Variants in PCDHGA2 observed in about 807,000 individuals in gnomAD.
PCDHGA2 encodes protocadherin gamma-A2.
In PCDHGA2, 40 loss-of-function variants were observed where a neutral mutation model predicts 59.2. The observed-to-expected ratio is 0.68, with a 90% CI of 0.52 to 0.88. PCDHGA2 has a LOEUF of 0.88. Ranked by LOEUF, PCDHGA2 falls within the 40% of genes least tolerant of loss-of-function variation. The probability of loss-of-function intolerance (pLI) is 0.00; values close to 1 mark genes in which losing one functional copy is unlikely to be tolerated. For missense variants in PCDHGA2, 1,226 were observed against 1,204.0 expected, an observed-to-expected ratio of 1.02 and a Z score of -0.27; for synonymous variants, 560 against 526.0, an observed-to-expected ratio of 1.06 and a Z score of -0.89.
intron 1 of PCDHGA2, chr5:141,360,925 G>A: frequency 6.2e-7 from 1 of 1,614,018 alleles, no homozygotes; most frequent in Non-Finnish European, 8.5e-7. Context: ...TGTGCTTCAA[G>A]TGACAGCCAC....
intron 1 of PCDHGA2, chr5:141,410,724 C>G: frequency 7.2e-7 from 1 of 1,385,884 alleles, no homozygotes; most frequent in Non-Finnish European, 9.6e-7. Flanking sequence ...TGTTTAAAAT[C>G]CATAGCTTTT....
Position 141,486,494 on chromosome 5 carries a change from A to G in PCDHGA2, c.2425-8313A>G, listed in dbSNP as rs375607204. 9.3e-6 allele frequency: 15 copies of G among 1,614,058 alleles called. No individual in the cohort carries two copies. The highest frequency in any genetic ancestry group is 1.3e-5 in the Non-Finnish European group (15 of 1,179,958). ...CCCTCCTCTCAGTACCCACAGAACT[A>G]TTTTCCTCAATATTTCAGATGTGAA... On this transcript the variant is annotated intron_variant, in intron 1 of 3. Transcript: ENST00000394576. The surrounding 1 kb of genome is among the most constrained non-coding windows in gnomAD (Gnocchi z 5.0).
At chr5:141,418,115 G>C in intron 1 of PCDHGA2, 1 of 1,614,098 alleles carries the variant, frequency 6.2e-7, no homozygotes, top group South Asian at 1.1e-5. Context: ...GGACTTACTT[G>C]TGAAGGACCG....
intron 1 of PCDHGA2, chr5:141,418,462 C>G: frequency 1.2e-6 from 2 of 1,613,974 alleles, no homozygotes; most frequent in Non-Finnish European, 8.5e-7. Flanking sequence ...AGACTCTGGA[C>G]CGAGAAACGC....
rs765243043 is a variant in PCDHGA2 at position 141,390,219 on chromosome 5, T to C, written c.2424+48824T>C. On this transcript the variant is annotated intron_variant, in intron 1 of 3. Coordinates refer to ENST00000394576, the MANE Select transcript of PCDHGA2 (RefSeq NM_018915.4). ...GTTGAGTTCAGGACAAGACATACTT[T>C]GCGGTGATTCATCTGGGGCCTTATT... 3.1e-6 allele frequency: 5 copies of C among 1,614,066 alleles called. No individual in the cohort carries two copies. In the South Asian group the frequency reaches 5.5e-5, roughly 18 times the overall value.
chr5:141,339,010 G>A lies in PCDHGA2; in HGVS notation c.39G>A (p.Leu13=), dbSNP rs758584829. The A allele has an allele frequency of 2.5e-6, 4 of 1,572,026 alleles. No homozygotes were observed. In the South Asian group the frequency reaches 4.6e-5, roughly 18 times the overall value. Residue 13 remains leucine, a synonymous_variant, in exon 1 of 4, where the codon CTG becomes CTA. Coordinates refer to ENST00000394576, the MANE Select transcript of PCDHGA2 (RefSeq NM_018915.4). ...AAAAGTTGCCACACTGCAGAAAGCT[G>A]GTCCTGCTGTGCTTCCTTTTGGCGA... ...ALQKLPHCRK[L]VLLCFLLATL...
intron 1 of PCDHGA2, chr5:141,409,714 CG>C: frequency 6.2e-7 from 1 of 1,613,226 alleles, no homozygotes; most frequent in Non-Finnish European, 8.5e-7. Flanking sequence ...TGTCGTCATA[CG>C]TGTCAGTGAG....
chr5:141,357,297 T>C, intron 1 of PCDHGA2: 5 of 1,614,044 alleles, frequency 3.1e-6, no homozygotes, highest in Non-Finnish European at 4.2e-6. Context: ...CAGTGGCCGC[T>C]GTCTCCTGCG....
In PCDHGA2 at chr5:141,388,167, A is replaced by G. The variant is rs2091267491; in HGVS notation, c.2424+46772A>G. On this transcript the variant is annotated intron_variant, in intron 1 of 3. Coordinates refer to ENST00000394576, the MANE Select transcript of PCDHGA2 (RefSeq NM_018915.4). ...GAGCAGCAGGCTAGACAGGGAGGAG[A>G]TATGCGGGAAGAAGCCAGCTTGTGC... 4.1e-6 allele frequency: 6 copies of G among 1,478,972 alleles called. No individual in the cohort carries two copies. In the African/African-American group the frequency reaches 5.7e-5, roughly 14 times the overall value. 91.6% of individuals were successfully genotyped at this position (1,478,972 alleles called of 1,614,324 possible). A position where few individuals can be genotyped will look rare whatever the true frequency, so the allele number is the denominator to read the frequency against.
At chr5:141,468,877 T>C (rs1321110515) in intron 1 of PCDHGA2, among the ~76,000 whole-genome samples, 2 of 149,546 alleles carry the variant, frequency 1.3e-5, no homozygotes, top group African/African-American at 4.9e-5. Context: ...AAAATAATAA[T>C]AATAATAATA....
At position 141,476,923 on chromosome 5, in the gene PCDHGA2, G is replaced by A. The variant is rs368207814; in HGVS notation, c.2425-17884G>A. On this transcript the variant is annotated intron_variant, in intron 1 of 3. Transcript: ENST00000394576. This position sits in a 1 kb window ranked among gnomAD's most constrained non-coding sequence, Gnocchi z 7.6. ...CGCGCGTGGTACAAGTCCTTGCAAC[G>A]GATCTGGATGAAGGCCCCAACGGTG... The A allele has an allele frequency of 5.0e-6, 8 of 1,614,024 alleles. No individual in the cohort carries two copies. Among genetic ancestry groups the A allele is most frequent in the African/African-American group, 4.0e-5 (3 of 74,952 alleles).
At chr5:141,345,604 A>C (rs777904972) in intron 1 of PCDHGA2, 4 of 1,614,038 alleles carry the variant, frequency 2.5e-6, no homozygotes, top group Admixed American at 1.7e-5. Context: ...GACTACGAGC[A>C]ATTTAGAGAC....
chr5:141,406,186 C>T (rs1263856724), intron 1 of PCDHGA2, among the ~76,000 whole-genome samples: 2 of 151,978 alleles, frequency 1.3e-5, no homozygotes, highest in South Asian at 2.1e-4. Context: ...AATCCTCCCA[C>T]CTCAGCCTTC....
intron 1 of PCDHGA2, chr5:141,409,901 C>G: frequency 6.2e-7 from 1 of 1,613,264 alleles, no homozygotes; most frequent in Non-Finnish European, 8.5e-7. Context: ...GTACCCAGCT[C>G]TGGGTCCTGA....
At chr5:141,345,063 G>A in intron 1 of PCDHGA2, 7 of 1,613,936 alleles carry the variant, frequency 4.3e-6, no homozygotes, top group Non-Finnish European at 5.9e-6. Flanking sequence ...GAATGACAAT[G>A]CTCCAGAAAT....
chr5:141,418,908 C>G, intron 1 of PCDHGA2: 3 of 1,613,932 alleles, frequency 1.9e-6, no homozygotes, highest in Non-Finnish European at 2.5e-6. Flanking sequence ...ATAATCATCA[C>G]GTCACTCTCT....
intron 1 of PCDHGA2, among the ~76,000 whole-genome samples, chr5:141,468,868 A>T (rs1006995156): frequency 9.2e-5 from 14 of 151,794 alleles, no homozygotes; most frequent in African/African-American, 2.4e-4. Flanking sequence ...TCCATCTCAA[A>T]AATAATAATA....
chr5:141,505,443 C>A lies in PCDHGA2; in HGVS notation c.2534C>A (p.Thr845Lys). ...TGTWPNNQFD[T>K]EMLQAMILAS... ...ACCTGGCCCAACAACCAGTTTGACA[C>A]AGAGATGCTGCAAGCCATGATCTTG... Residue 845 changes from threonine to lysine, a missense_variant, in exon 3 of 4, where the codon ACA becomes AAA. Physicochemically the swap from Thr to Lys is moderately conservative, Grantham distance 78. Transcript: ENST00000394576. 2 of 1,614,224 alleles carry A rather than the reference C, an allele frequency of 1.2e-6. No homozygotes were observed. Among genetic ancestry groups the A allele is most frequent in the Non-Finnish European group, 8.5e-7 (1 of 1,180,042 alleles).
Position 141,485,193 on chromosome 5 carries a change from G to C in PCDHGA2, c.2425-9614G>C. 1 of 1,613,988 alleles carries C rather than the reference G, an allele frequency of 6.2e-7. No individual in the cohort carries two copies. Among genetic ancestry groups the C allele is most frequent in the Non-Finnish European group, 8.5e-7 (1 of 1,179,852 alleles). On this transcript the variant is annotated intron_variant, in intron 1 of 3. Transcript: ENST00000394576. This position sits in a 1 kb window ranked among gnomAD's most constrained non-coding sequence, Gnocchi z 5.7. ...GCAGCAATGCTCCGCAAGGTGAGAA[G>C]CTGGACAGAAATCTGGCGGTGGGCT...
Sources: gnomAD v4.1 joint callset for allele counts (sites outside exome capture counted in the v4.1 genomes callset) on GRCh38, gnomAD v4.1.1 for gene constraint, Gnocchi (gnomAD v3.1) non-coding constraint, MANE v1.5 for transcripts, NCBI Gene and HGNC (gene_info 2026-07-23, HGNC 2026-07-21) for gene names.